DSCAM: variants seen among roughly 807,000 people sequenced by gnomAD.
DSCAM encodes DS cell adhesion molecule, also known as cell adhesion molecule DSCAM.
DSCAM carries 47 observed loss-of-function variants against 217.7 expected under a neutral mutation model. That is an observed-to-expected ratio of 0.22 (90% CI 0.17 to 0.28). The LOEUF is 0.28. Among genes scored for constraint, DSCAM ranks in the 10% least tolerant of loss-of-function variants. The pLI is 1.00. For missense variants in DSCAM, 2,080 were observed against 2,618.3 expected, an observed-to-expected ratio of 0.79 and a Z score of 4.49; for synonymous variants, 1,056 against 1,015.3, an observed-to-expected ratio of 1.04 and a Z score of -0.76.
intron 32 of DSCAM, among the ~76,000 whole-genome samples, chr21:40,029,427 T>G (rs1329791500): frequency 4.4e-5 from 2 of 45,608 alleles, no homozygotes; most frequent in East Asian, 3.1e-4. Context: ...TTTGAGGTTG[T>G]TTTTTTTTTT....
At chr21:40,291,142 C>T (rs770217519) in intron 10 of DSCAM, among the ~76,000 whole-genome samples, 3 of 152,184 alleles carry the variant, frequency 2.0e-5, no homozygotes, top group African/African-American at 4.8e-5. Context: ...TTTGTCACAC[C>T]CATAGTATGT....
chr21:40,826,413 G>A (rs961196804), intron 1 of DSCAM, among the ~76,000 whole-genome samples: 1 of 152,210 alleles, frequency 6.6e-6, no homozygotes, highest in African/African-American at 2.4e-5. Flanking sequence ...GGTTTGAGGT[G>A]TAGGCAATGC....
intron 3 of DSCAM, among the ~76,000 whole-genome samples, chr21:40,676,334 T>C (rs542886706): frequency 6.6e-6 from 1 of 152,296 alleles, no homozygotes; most frequent in African/African-American, 2.4e-5. Flanking sequence ...ATCAAAGTCA[T>C]GCATCAGGCC....
chr21:40,743,279 C>A (rs891204035), intron 1 of DSCAM, among the ~76,000 whole-genome samples: 8 of 152,146 alleles, frequency 5.3e-5, no homozygotes, highest in Non-Finnish European at 8.8e-5. Context: ...TGGTAAAATA[C>A]CACTAATAGA....
intron 20 of DSCAM, among the ~76,000 whole-genome samples, chr21:40,102,737 A>T (rs1173730728): frequency 1.3e-5 from 2 of 152,198 alleles, no homozygotes; most frequent in African/African-American, 4.8e-5. Flanking sequence ...ATAATTGCCA[A>T]ATTCATTTCC....
intron 16 of DSCAM, among the ~76,000 whole-genome samples, chr21:40,151,802 C>T (rs1187922061): frequency 1.3e-5 from 2 of 152,126 alleles, no homozygotes; most frequent in East Asian, 1.9e-4. Flanking sequence ...AGTTGGCTTC[C>T]GCACTGGGAC....
chr21:40,677,677 C>T (rs374887487), intron 3 of DSCAM, among the ~76,000 whole-genome samples: 27 of 152,254 alleles, frequency 1.8e-4, no homozygotes, highest in South Asian at 1.0e-3. Context: ...GTGATGCTAT[C>T]GGGAGGTGGA....
intron 3 of DSCAM, among the ~76,000 whole-genome samples, chr21:40,620,821 G>A (rs2089504502): frequency 6.6e-6 from 1 of 152,224 alleles, no homozygotes; most frequent in Non-Finnish European, 1.5e-5. Context: ...TTGTATTCAT[G>A]ATGTCCCATC....
At chr21:40,223,791 A>G (rs1001980439) in intron 11 of DSCAM, among the ~76,000 whole-genome samples, 2 of 152,226 alleles carry the variant, frequency 1.3e-5, no homozygotes, top group Admixed American at 6.5e-5. Context: ...TGAGAATGAC[A>G]ACACTTATGT....
rs1271986712 is a variant in DSCAM, at chr21:40,671,491, T to C, written c.508+21319A>G. On this transcript the variant is annotated intron_variant, in intron 3 of 32. Coordinates refer to ENST00000400454, the MANE Select transcript of DSCAM (RefSeq NM_001389.5). Reference sequence around the variant, plus strand: ...GAGTTCGAGACCAGCCTGGTCAACATAGTGAAACTCCCCCCCCGCACCGTC... The same window carrying C: ...GAGTTCGAGACCAGCCTGGTCAACACAGTGAAACTCCCCCCCCGCACCGTC... Among the ~76,000 whole-genome samples, 14 of 149,978 alleles carry C rather than the reference T, an allele frequency of 9.3e-5. No homozygotes were observed. In the South Asian group the frequency reaches 1.3e-3, roughly 13 times the overall value.
intron 1 of DSCAM, among the ~76,000 whole-genome samples, chr21:40,750,478 G>T (rs2091217094): frequency 6.6e-6 from 1 of 152,064 alleles, no homozygotes; most frequent in Admixed American, 6.5e-5. Context: ...CACAGTCTCT[G>T]GACTTTCTTT....
At chr21:40,302,141 T>C (rs892219108) in intron 9 of DSCAM, among the ~76,000 whole-genome samples, 2 of 152,212 alleles carry the variant, frequency 1.3e-5, no homozygotes, top group South Asian at 2.1e-4. Flanking sequence ...TAGTATATTG[T>C]GGTGAGCCGG....
chr21:40,758,588 G>C (rs1220841727), intron 1 of DSCAM, among the ~76,000 whole-genome samples: 1 of 151,702 alleles, frequency 6.6e-6, no homozygotes, highest in Admixed American at 6.6e-5. Context: ...GGCATAAAGT[G>C]GAAAGAATTT....
intron 3 of DSCAM, among the ~76,000 whole-genome samples, chr21:40,428,007 T>C (rs1569118336): frequency 6.6e-6 from 1 of 152,228 alleles, no homozygotes. Context: ...CACTGTATCA[T>C]CTTCGCTCTG....
At chr21:40,100,686 C>T (rs1391504521) in intron 20 of DSCAM, among the ~76,000 whole-genome samples, 3 of 147,236 alleles carry the variant, frequency 2.0e-5, no homozygotes, top group Non-Finnish European at 4.5e-5. Context: ...CTATCAAGGA[C>T]AACAGATAAA....
At chr21:40,739,597 C>T (rs564196380) in intron 1 of DSCAM, among the ~76,000 whole-genome samples, 1 of 152,158 alleles carries the variant, frequency 6.6e-6, no homozygotes, top group Non-Finnish European at 1.5e-5. Context: ...TAGAGCCAAA[C>T]TTAATGACAT....
intron 20 of DSCAM, among the ~76,000 whole-genome samples, chr21:40,119,811 C>G (rs1035667390): frequency 6.6e-6 from 1 of 151,628 alleles, no homozygotes; most frequent in Non-Finnish European, 1.5e-5. Flanking sequence ...GTCCGTGTTC[C>G]GTGTGAGAGA....
intron 9 of DSCAM, among the ~76,000 whole-genome samples, chr21:40,304,176 A>G (rs528832890): frequency 6.6e-6 from 1 of 152,228 alleles, no homozygotes; most frequent in South Asian, 2.1e-4. Context: ...GTTTTCTTAT[A>G]TTTTCTTCAA....
rs764160478 is a variant in DSCAM at position 40,360,121 on chromosome 21, G to GTTTTTTTTTTTTTTTT, written c.656-6379_656-6378insAAAAAAAAAAAAAAAA. Reference sequence around the variant, plus strand: ...TAGTGAGCATGGTACTTCATAGGTAGTCTTTTTTTTTTTTTTTTTTTTTTT... The same window carrying GTTTTTTTTTTTTTTTT: ...TAGTGAGCATGGTACTTCATAGGTAGTTTTTTTTTTTTTTTTTCTTTTTTTTTTTTTTTTTTTTTTT... On this transcript the variant is annotated intron_variant, in intron 4 of 32. Transcript: ENST00000400454. Among the ~76,000 whole-genome samples the GTTTTTTTTTTTTTTTT allele has an allele frequency of 1.7e-4, 14 of 82,656 alleles. 7 individuals carry two copies. Among genetic ancestry groups the GTTTTTTTTTTTTTTTT allele is most frequent in the Admixed American group, 3.0e-4 (2 of 6,776 alleles). The allele number at this position is 82,656 out of a possible 152,430, so 54.2% of individuals were successfully genotyped here.
Sources: gnomAD v4.1 joint callset for allele counts (sites outside exome capture counted in the v4.1 genomes callset) on GRCh38, gnomAD v4.1.1 for gene constraint, MANE v1.5 for transcripts, NCBI Gene and HGNC (gene_info 2026-07-23, HGNC 2026-07-21) for gene names.